The following NETO2 variants were observed in gnomAD, a reference collection of about 807,000 sequenced individuals.
The protein encoded by NETO2 is neuropilin and tolloid like 2, also known as neuropilin and tolloid-like protein 2.
In NETO2, 28 loss-of-function variants were observed where a neutral mutation model predicts 62.5. That is an observed-to-expected ratio of 0.45 (90% CI 0.33 to 0.61). NETO2 has a LOEUF of 0.61. Among genes scored for constraint, NETO2 ranks in the 20% least tolerant of loss-of-function variants. NETO2 has a pLI of 0.02. For missense variants in NETO2, 548 were observed against 643.2 expected, an observed-to-expected ratio of 0.85 and a Z score of 1.60; for synonymous variants, 214 against 219.1, an observed-to-expected ratio of 0.98 and a Z score of 0.21.
chr16:47,089,677 A>G (rs1374195801), intron 7 of NETO2, among the ~76,000 whole-genome samples: 1 of 152,198 alleles, frequency 6.6e-6, no homozygotes, highest in Non-Finnish European at 1.5e-5. Flanking sequence ...ACATGCCATC[A>G]TATTGAGGGC....
At chr16:47,089,198 G>A (rs1963260674) in intron 7 of NETO2, among the ~76,000 whole-genome samples, 1 of 152,202 alleles carries the variant, frequency 6.6e-6, no homozygotes, top group African/African-American at 2.4e-5. Flanking sequence ...CTCAGCGGCT[G>A]CAGTTCAAGT....
chr16:47,132,870 AT>A (rs1333611296), intron 1 of NETO2, among the ~76,000 whole-genome samples: 1 of 152,198 alleles, frequency 6.6e-6, no homozygotes, highest in Non-Finnish European at 1.5e-5. Flanking sequence ...AGTTTCATGA[AT>A]CTAGGCTAGG....
intron 1 of NETO2, among the ~76,000 whole-genome samples, chr16:47,133,127 A>G (rs1322607852): frequency 6.6e-6 from 1 of 152,232 alleles, no homozygotes; most frequent in Non-Finnish European, 1.5e-5. Context: ...GGAGTTTAAC[A>G]GGAGATATGC....
At chr16:47,102,574 A>G (rs1447001978) in intron 7 of NETO2, among the ~76,000 whole-genome samples, 2 of 151,076 alleles carry the variant, frequency 1.3e-5, no homozygotes, top group Non-Finnish European at 2.9e-5. Flanking sequence ...TCTATAAGGA[A>G]CTTAAACAAA....
Position 47,132,040 on chromosome 16 carries a change from G to T in NETO2, c.35-15C>A. 1 of 1,598,298 alleles carries T rather than the reference G, an allele frequency of 6.3e-7. No homozygotes were observed. Among genetic ancestry groups the T allele is most frequent in the Non-Finnish European group, 8.6e-7 (1 of 1,167,358 alleles). On this transcript the variant is annotated splice_polypyrimidine_tract_variant and intron_variant, in intron 1 of 8. Transcript: ENST00000562435. ...TATTAACAACACTAGAGAAATAACA[G>T]AGAAGAAAAGTTATGAAATTGAATC...
chr16:47,141,977 A>C (rs1964469089), intron 1 of NETO2, among the ~76,000 whole-genome samples: 1 of 152,192 alleles, frequency 6.6e-6, no homozygotes, highest in Non-Finnish European at 1.5e-5. Context: ...CAAGTTCTGC[A>C]GGTAAAGCGG....
chr16:47,109,000 C>T (rs1963732769), intron 7 of NETO2, among the ~76,000 whole-genome samples: 1 of 152,160 alleles, frequency 6.6e-6, no homozygotes, highest in Admixed American at 6.5e-5. Context: ...GTTAGAAAAT[C>T]TTGAGAGAAA....
chr16:47,116,943 T>C (rs1199000057), intron 6 of NETO2, among the ~76,000 whole-genome samples: 2 of 152,154 alleles, frequency 1.3e-5, no homozygotes, highest in Non-Finnish European at 2.9e-5. Flanking sequence ...ATTGGTAGGG[T>C]CGGTAGTGAT....
At chr16:47,126,253 T>C (rs1379137589) in intron 4 of NETO2, among the ~76,000 whole-genome samples, 1 of 152,194 alleles carries the variant, frequency 6.6e-6, no homozygotes, top group Non-Finnish European at 1.5e-5. Context: ...CAAGATGTCC[T>C]TCAGTAGAAT....
intron 3 of NETO2, among the ~76,000 whole-genome samples, chr16:47,128,804 ATT>A (rs1964208727): frequency 6.6e-6 from 1 of 152,216 alleles, no homozygotes; most frequent in Admixed American, 6.5e-5. Flanking sequence ...TAAATTAAAT[ATT>A]TTTGAGTGAT....
At chr16:47,117,225 G>A (rs1291362675) in intron 6 of NETO2, among the ~76,000 whole-genome samples, 1 of 152,110 alleles carries the variant, frequency 6.6e-6, no homozygotes, top group East Asian at 1.9e-4. Flanking sequence ...TTTCTAAAGA[G>A]AAAAAATAGT....
At chr16:47,107,575 G>A (rs1275502715) in intron 7 of NETO2, among the ~76,000 whole-genome samples, 1 of 152,158 alleles carries the variant, frequency 6.6e-6, no homozygotes, top group East Asian at 1.9e-4. Context: ...TGAAGAAAGG[G>A]CTCCTTGGAA....
At chr16:47,104,788 C>T (rs568431899) in intron 7 of NETO2, among the ~76,000 whole-genome samples, 8 of 152,224 alleles carry the variant, frequency 5.3e-5, no homozygotes, top group South Asian at 4.1e-4. Context: ...GGCACGATCT[C>T]GGCTCGCTGT....
At chr16:47,137,279 G>T (rs1448942472) in intron 1 of NETO2, among the ~76,000 whole-genome samples, 1 of 152,184 alleles carries the variant, frequency 6.6e-6, no homozygotes, top group African/African-American at 2.4e-5. Flanking sequence ...AGTACTTTCA[G>T]AGACTCTGAT....
chr16:47,086,408 T>C, intron 7 of NETO2, 69 bp from the exon 8 acceptor site: 1 of 1,003,934 alleles, frequency 1.0e-6, no homozygotes. Flanking sequence ...ACATAACAAA[T>C]CTGACTTTAT....
In NETO2 at chr16:47,078,863, G is replaced by A. The variant is rs1963016694; in HGVS notation, c.*4358C>T. 6.6e-6 allele frequency: 1 copy of A among 152,154 alleles called. No individual in the cohort carries two copies. 9.4% of individuals were successfully genotyped at this position (152,154 alleles called of 1,614,324 possible). A position where few individuals can be genotyped will look rare whatever the true frequency, so the allele number is the denominator to read the frequency against. On this transcript the variant is annotated 3_prime_UTR_variant, in exon 9 of 9. Coordinates refer to ENST00000562435, the MANE Select transcript of NETO2 (RefSeq NM_018092.5). ...TGGCAGCAAAACTGTAGAACACAAT[G>A]TTACATACATTTAAAGAAAAGGGGA...
rs1185049385 is a variant in NETO2, at chr16:47,078,955, A to G, written c.*4266T>C. 6.6e-6 allele frequency: 1 copy of G among 152,218 alleles called. No individual in the cohort carries two copies. The highest frequency in any genetic ancestry group is 6.5e-5 in the Admixed American group (1 of 15,280). 9.4% of individuals were successfully genotyped at this position (152,218 alleles called of 1,614,324 possible). On this transcript the variant is annotated 3_prime_UTR_variant, in exon 9 of 9. Coordinates refer to ENST00000562435, the MANE Select transcript of NETO2 (RefSeq NM_018092.5). ...AATTCAGAATGATTGACAAGCTTACATGGGCTGCTAAACAGAAGTGCTTGA... is the reference window on the plus strand; with the variant it reads ...AATTCAGAATGATTGACAAGCTTACGTGGGCTGCTAAACAGAAGTGCTTGA...
intron 2 of NETO2, among the ~76,000 whole-genome samples, chr16:47,130,009 C>A (rs1424447111): frequency 6.6e-6 from 1 of 152,124 alleles, no homozygotes; most frequent in Admixed American, 6.5e-5. Flanking sequence ...TTTTCAGTAC[C>A]CTTTCCTCCT....
chr16:47,132,452 C>T (rs988638708), intron 1 of NETO2, among the ~76,000 whole-genome samples: 8 of 152,044 alleles, frequency 5.3e-5, no homozygotes, highest in Non-Finnish European at 8.8e-5. Flanking sequence ...TATCTGTTTT[C>T]TGAGAACATT....
Sources: allele counts gnomAD v4.1 joint callset (sites outside exome capture counted in the v4.1 genomes callset), GRCh38; gene constraint gnomAD v4.1.1; transcripts MANE v1.5; gene names NCBI Gene and HGNC (gene_info 2026-07-23, HGNC 2026-07-21).